VSIG10: variants seen among roughly 807,000 people sequenced by gnomAD.
VSIG10 encodes the protein V-set and immunoglobulin domain-containing protein 10.
Under a neutral mutation model 58.7 loss-of-function variants are expected in VSIG10, and 48 were observed. That is an observed-to-expected ratio of 0.82 (90% CI 0.65 to 1.04). VSIG10 has a LOEUF of 1.04. Ranked by LOEUF, VSIG10 falls within the 50% of genes least tolerant of loss-of-function variation. The pLI, the probability that VSIG10 is intolerant of heterozygous loss-of-function variation, is 0.00. For missense variants in VSIG10, 628 were observed against 670.0 expected (o/e 0.94, Z 0.69); for synonymous variants, 260 against 267.1 (o/e 0.97, Z 0.26).
chr12:118,097,733 C>T (rs1390072771), intron 1 of VSIG10, among the ~76,000 whole-genome samples: 2 of 151,970 alleles, frequency 1.3e-5, no homozygotes, highest in African/African-American at 4.8e-5. Context: ...ACTAGCCTGG[C>T]CAACATGGTG....
intron 2 of VSIG10, among the ~76,000 whole-genome samples, chr12:118,086,665 C>T (rs558716161): frequency 4.5e-4 from 68 of 152,226 alleles, no homozygotes; most frequent in African/African-American, 1.6e-3. Flanking sequence ...GAGGCTGACA[C>T]GGGAGGATCG....
chr12:118,093,846 T>C (rs1239288635), intron 2 of VSIG10, among the ~76,000 whole-genome samples: 1 of 151,732 alleles, frequency 6.6e-6, no homozygotes, highest in African/African-American at 2.4e-5. Flanking sequence ...GAGGCAGAGG[T>C]TGTGGTGAGC....
At position 118,064,464 on chromosome 12, in the gene VSIG10, T is replaced by G. The variant is rs2137814895; in HGVS notation, c.*2175A>C. ...TTTTTTTTTTTTTCACCTCAACAGTTTTTGTGTTTTCTTTTTTTAATCTTG... is the reference window on the plus strand; with the variant it reads ...TTTTTTTTTTTTTCACCTCAACAGTGTTTGTGTTTTCTTTTTTTAATCTTG... On this transcript the variant is annotated 3_prime_UTR_variant, in exon 9 of 9. Coordinates refer to ENST00000359236, the MANE Select transcript of VSIG10 (RefSeq NM_019086.6). 1.3e-5 allele frequency: 2 copies of G among 151,836 alleles called. No individual in the cohort carries two copies. The highest frequency in any genetic ancestry group is 4.8e-5 in the African/African-American group (2 of 41,450). 9.4% of individuals were successfully genotyped at this position (151,836 alleles called of 1,614,324 possible). A position where few individuals can be genotyped will look rare whatever the true frequency, so the allele number is the denominator to read the frequency against.
intron 2 of VSIG10, among the ~76,000 whole-genome samples, chr12:118,092,989 A>T (rs1056035189): frequency 1.3e-5 from 2 of 151,962 alleles, no homozygotes; most frequent in Non-Finnish European, 2.9e-5. Context: ...ATTTAAAAAT[A>T]TAAAAAATAT....
intron 1 of VSIG10, chr12:118,103,271 T>C (rs1370235570): frequency 4.2e-6 from 1 of 239,508 alleles, no homozygotes; most frequent in African/African-American, 2.3e-5. Flanking sequence ...ATCCGACGCT[T>C]AAAAAAAAAA....
At chr12:118,094,406 C>T (rs868443382) in intron 2 of VSIG10, among the ~76,000 whole-genome samples, 1 of 151,820 alleles carries the variant, frequency 6.6e-6, no homozygotes, top group African/African-American at 2.4e-5. Context: ...TTTTTTGAGA[C>T]GGAGTCTAGT....
chr12:118,068,725 G>T, intron 7 of VSIG10, 128 bp from the exon 8 acceptor site: 1 of 1,186,810 alleles, frequency 8.4e-7, no homozygotes, highest in Non-Finnish European at 1.1e-6. Flanking sequence ...GCTTGGTGAA[G>T]TAATGAGGTG....
chr12:118,086,524 G>A (rs1332904496), intron 2 of VSIG10, among the ~76,000 whole-genome samples: 2 of 152,054 alleles, frequency 1.3e-5, no homozygotes, highest in Non-Finnish European at 2.9e-5. Flanking sequence ...CAGCCTGTCT[G>A]CAGGTAAACA....
chr12:118,068,500 CCTGTTCCCCTA>C lies in VSIG10; in HGVS notation c.1433_1443del (p.Val478GlyfsTer5). 1 of 1,612,358 alleles carries C rather than the reference CCTGTTCCCCTA, an allele frequency of 6.2e-7. No homozygotes were observed. Among genetic ancestry groups the C allele is most frequent in the Non-Finnish European group, 8.5e-7 (1 of 1,179,666 alleles). ...AACTCCTCTCTCTCACGTGCTCCCT[CCTGTTCCCCTA>C]CTGCAGCATCTTCCTCCTCCTCCTC... On this transcript the variant is annotated frameshift_variant, in exon 8 of 9. Coordinates refer to ENST00000359236, the MANE Select transcript of VSIG10 (RefSeq NM_019086.6). LOFTEE classifies it high-confidence loss of function.
chr12:118,079,564 G>C lies in VSIG10; in HGVS notation c.707C>G (p.Ser236Ter). 1 of 1,614,040 alleles carries C rather than the reference G, an allele frequency of 6.2e-7. No homozygotes were observed. Among genetic ancestry groups the C allele is most frequent in the Non-Finnish European group, 8.5e-7 (1 of 1,179,908 alleles). ...SAPQCWAQMA[S>*]GSFMLQLTCR... Reference sequence around the variant, plus strand: ...GGTAAGCTGCAACATGAACGATCCTGATGCCATCTGTGCCCAGCACTGGGG... The same window carrying C: ...GGTAAGCTGCAACATGAACGATCCTCATGCCATCTGTGCCCAGCACTGGGG... The change falls in exon 4 of 9, where the codon TCA (serine) becomes TGA (stop). Residue 236 changes from serine to a stop codon, truncating the protein, a stop_gained. Transcript: ENST00000359236. LOFTEE classifies it high-confidence loss of function.
chr12:118,085,060 T>G (rs1427313430), intron 2 of VSIG10, among the ~76,000 whole-genome samples: 1 of 152,110 alleles, frequency 6.6e-6, no homozygotes, highest in Non-Finnish European at 1.5e-5. Context: ...TGGCAAGACC[T>G]AAATTAATCA....
chr12:118,082,480 C>A lies in VSIG10; in HGVS notation c.362-51G>T, dbSNP rs1055454686. The A allele has an allele frequency of 3.3e-6, 5 of 1,533,020 alleles. No homozygotes were observed. In the Admixed American group the frequency reaches 5.5e-5, roughly 17 times the overall value. 95.0% of individuals were successfully genotyped at this position (1,533,020 alleles called of 1,614,324 possible). A position where few individuals can be genotyped will look rare whatever the true frequency, so the allele number is the denominator to read the frequency against. On this transcript the variant is annotated intron_variant, in intron 2 of 8. Transcript: ENST00000359236. ...GGCATTAATTATGTAAGAGCTCATT[C>A]GATTGCCTTACCAACTCTAATATAT...
chr12:118,070,547 CAA>C (rs10607174), intron 7 of VSIG10, among the ~76,000 whole-genome samples: 41,444 of 111,126 alleles, frequency 0.37, 5,600 homozygotes, highest in East Asian at 0.6. Flanking sequence ...GATTCTGTCT[CAA>C]AAAAAAAAAA....
intron 3 of VSIG10, among the ~76,000 whole-genome samples, chr12:118,080,086 A>C (rs1179268615): frequency 2.0e-5 from 3 of 152,088 alleles, no homozygotes; most frequent in Non-Finnish European, 4.4e-5. Flanking sequence ...CACCTGCCTC[A>C]GCCTTCCAAA....
chr12:118,101,154 G>A (rs2033612610), intron 1 of VSIG10, among the ~76,000 whole-genome samples: 1 of 152,196 alleles, frequency 6.6e-6, no homozygotes, highest in Admixed American at 6.6e-5. Flanking sequence ...CACTGTATCT[G>A]AAGGTGCCCT....
intron 8 of VSIG10, among the ~76,000 whole-genome samples, chr12:118,068,169 ACAC>A (rs1212755422): frequency 6.9e-6 from 1 of 144,218 alleles, no homozygotes; most frequent in African/African-American, 2.6e-5. Context: ...ACACAGGTGC[ACAC>A]CACCATGACC....
rs79429802 is a variant in VSIG10, at chr12:118,084,106, T to C, written c.362-1677A>G. On this transcript the variant is annotated intron_variant, in intron 2 of 8. Transcript: ENST00000359236. Reference sequence around the variant, plus strand: ...GTACACTCCAGCCTGGGTGACACAATGAGACCCTCCCTATCTCAAGAAAAA... The same window carrying C: ...GTACACTCCAGCCTGGGTGACACAACGAGACCCTCCCTATCTCAAGAAAAA... 7.0e-3 allele frequency among the ~76,000 whole-genome samples: 1,068 copies of C among 152,182 alleles called. 19 individuals carry two copies. The highest frequency in any genetic ancestry group is 0.025 in the African/African-American group (1,025 of 41,520).
intron 1 of VSIG10, chr12:118,103,286 C>T (rs1045784343): frequency 1.3e-5 from 4 of 304,560 alleles, no homozygotes; most frequent in Admixed American, 1.0e-4. Flanking sequence ...AAAAAAATCA[C>T]TTTCCCGGCA....
rs1447966713 is a variant in VSIG10 at position 118,071,450 on chromosome 12, C to T, written c.1239G>A (p.Gly413=). 1.2e-6 allele frequency: 2 copies of T among 1,613,642 alleles called. No homozygotes were observed. Among genetic ancestry groups the T allele is most frequent in the Admixed American group, 1.7e-5 (1 of 59,976 alleles). The change falls in exon 6 of 9, where the codon GGG becomes GGA. Residue 413 remains glycine, a synonymous_variant. Transcript: ENST00000359236. ...GGAGGCTCACAATGGTTCCCACAAT[C>T]CCCCCGATATTTAAAGGTTCTGTAA... ...LSVKEPLNIG[G]IVGTIVSLLL...
Sources: gnomAD v4.1 joint callset for allele counts (sites outside exome capture counted in the v4.1 genomes callset) on GRCh38, gnomAD v4.1.1 for gene constraint, MANE v1.5 for transcripts, NCBI Gene and HGNC (gene_info 2026-07-23, HGNC 2026-07-21) for gene names.